DAB1: variants seen among roughly 807,000 people sequenced by gnomAD.
DAB1 encodes the protein DAB adaptor protein 1.
Under a neutral mutation model 64.6 loss-of-function variants are expected in DAB1, and 15 were observed. The ratio of observed to expected loss-of-function variants is 0.23; its 90% CI spans 0.16 to 0.36. The LOEUF (loss-of-function observed/expected upper bound fraction) is 0.36, where lower values mean the gene tolerates loss of function less well. Ranked by LOEUF, DAB1 falls within the 10% of genes least tolerant of loss-of-function variation. The probability of loss-of-function intolerance (pLI) is 1.00; values close to 1 mark genes in which losing one functional copy is unlikely to be tolerated. For missense variants in DAB1, 596 were observed against 706.7 expected (o/e 0.84, Z 1.78); for synonymous variants, 235 against 251.9 (o/e 0.93, Z 0.64).
intron 7 of DAB1, among the ~76,000 whole-genome samples, chr1:57,438,214 T>C (rs565076137): frequency 1.1e-3 from 163 of 148,348 alleles, no homozygotes; most frequent in Non-Finnish European, 2.0e-3. Context: ...TCTGAGATGA[T>C]GCAAATGTAA....
At chr1:58,024,064 C>T (rs1190581033) in intron 5 of DAB1, among the ~76,000 whole-genome samples, 4 of 152,210 alleles carry the variant, frequency 2.6e-5, no homozygotes, top group Non-Finnish European at 4.4e-5. Context: ...TCAAGCAACA[C>T]TCTCAGCTCT....
At chr1:57,711,588 A>ATAG (rs2101746095) in intron 6 of DAB1, among the ~76,000 whole-genome samples, 1 of 152,360 alleles carries the variant, frequency 6.6e-6, no homozygotes, top group Non-Finnish European at 1.5e-5. Flanking sequence ...ACAGTTTGGC[A>ATAG]TAGCACTTAA....
intron 5 of DAB1, among the ~76,000 whole-genome samples, chr1:58,043,132 G>A (rs1463749184): frequency 1.3e-5 from 2 of 152,160 alleles, no homozygotes; most frequent in Non-Finnish European, 2.9e-5. Flanking sequence ...TAGGCGCTGT[G>A]CTGCTCTTTC....
At chr1:57,752,784 A>T (rs1167663451) in intron 6 of DAB1, among the ~76,000 whole-genome samples, 1 of 152,200 alleles carries the variant, frequency 6.6e-6, no homozygotes, top group Non-Finnish European at 1.5e-5. Flanking sequence ...AAACTGAAGT[A>T]ACAGAATCTA....
intron 1 of DAB1, among the ~76,000 whole-genome samples, chr1:57,415,487 G>A (rs1684428643): frequency 6.6e-6 from 1 of 152,100 alleles, no homozygotes. Context: ...GATAGCAGAA[G>A]GTTGGCAAAA....
chr1:58,295,422 G>C (rs1444843982), intron 4 of DAB1, among the ~76,000 whole-genome samples: 1 of 152,064 alleles, frequency 6.6e-6, no homozygotes, highest in Non-Finnish European at 1.5e-5. Context: ...AGGTGGCAGG[G>C]GAAAGCATTT....
At chr1:57,781,116 C>G in intron 6 of DAB1, among the ~76,000 whole-genome samples, 1 of 59,052 alleles carries the variant, frequency 1.7e-5, no homozygotes, top group Non-Finnish European at 3.1e-5. Flanking sequence ...CTCTCTCTCT[C>G]TCTCTCTCTC....
chr1:58,038,212 G>A (rs1647076794), intron 5 of DAB1, among the ~76,000 whole-genome samples: 1 of 152,152 alleles, frequency 6.6e-6, no homozygotes, highest in African/African-American at 2.4e-5. Context: ...AATTGATGTG[G>A]CTTCTCAGAC....
chr1:57,186,548 T>C (rs1663581481), intron 2 of DAB1, among the ~76,000 whole-genome samples: 2 of 152,244 alleles, frequency 1.3e-5, no homozygotes, highest in South Asian at 2.1e-4. Context: ...GGCACAGGCC[T>C]TGATTAAATA....
At chr1:57,668,916 C>T (rs1040140745) in intron 6 of DAB1, among the ~76,000 whole-genome samples, 9 of 152,022 alleles carry the variant, frequency 5.9e-5, no homozygotes, top group African/African-American at 2.2e-4. Context: ...TTTACATATG[C>T]ATATTCTAAG....
At chr1:57,725,345 G>A (rs968116447) in intron 6 of DAB1, among the ~76,000 whole-genome samples, 1 of 149,524 alleles carries the variant, frequency 6.7e-6, no homozygotes, top group Non-Finnish European at 1.5e-5. Context: ...AGACTCACAT[G>A]AGAATCCTCA....
intron 1 of DAB1, among the ~76,000 whole-genome samples, chr1:58,528,017 A>T (rs1316714655): frequency 6.6e-6 from 1 of 152,252 alleles, no homozygotes; most frequent in Non-Finnish European, 1.5e-5. Context: ...ACTTTTGAGA[A>T]AAGAGCTATT....
intron 5 of DAB1, among the ~76,000 whole-genome samples, chr1:57,998,619 C>A (rs1206149715): frequency 6.6e-6 from 1 of 152,158 alleles, no homozygotes; most frequent in African/African-American, 2.4e-5. Context: ...CTGCCTTGGT[C>A]TCCCAAAGTG....
intron 3 of DAB1, among the ~76,000 whole-genome samples, chr1:58,343,802 G>A (rs1201260102): frequency 6.6e-6 from 1 of 152,210 alleles, no homozygotes; most frequent in Non-Finnish European, 1.5e-5. Context: ...ATAAGATAAT[G>A]ATATGAAATG....
At chr1:57,281,480 C>T (rs992588627) in intron 2 of DAB1, among the ~76,000 whole-genome samples, 1 of 152,132 alleles carries the variant, frequency 6.6e-6, no homozygotes, top group Admixed American at 6.5e-5. Flanking sequence ...CAGGGAACTG[C>T]AATTGATTCA....
intron 3 of DAB1, among the ~76,000 whole-genome samples, chr1:58,478,212 T>C (rs1645437866): frequency 6.6e-6 from 1 of 152,178 alleles, no homozygotes; most frequent in South Asian, 2.1e-4. Context: ...CTGCTCTTAC[T>C]CACTCTCTCT....
intron 11 of DAB1, among the ~76,000 whole-genome samples, chr1:57,020,909 T>C (rs1646594777): frequency 6.6e-6 from 1 of 152,190 alleles, no homozygotes; most frequent in African/African-American, 2.4e-5. Flanking sequence ...GATCCAAACC[T>C]GGCCCATTAG....
intron 7 of DAB1, among the ~76,000 whole-genome samples, chr1:57,553,459 A>AGAAAGAAAGAAAGAAT (rs1644946363): frequency 7.7e-6 from 1 of 130,628 alleles, no homozygotes. Context: ...AAAGAAAGAA[A>AGAAAGAAAGAAAGAAT]GAGAAAGGGA....
chr1:57,773,259 G>GTA (rs140129409), intron 6 of DAB1, among the ~76,000 whole-genome samples: 2,087 of 151,640 alleles, frequency 0.014, 67 homozygotes, highest in African/African-American at 0.048. Context: ...TTACATGTGT[G>GTA]TATATATATA....
Sources: allele counts gnomAD v4.1 joint callset (sites outside exome capture counted in the v4.1 genomes callset), GRCh38; gene constraint gnomAD v4.1.1; transcripts MANE v1.5; gene names NCBI Gene and HGNC (gene_info 2026-07-23, HGNC 2026-07-21).